GAB4: variants seen among roughly 807,000 people sequenced by gnomAD.
GAB4 encodes the protein GRB2-associated-binding protein 4.
In GAB4, 26 loss-of-function variants were observed where a neutral mutation model predicts 51.3. That is an observed-to-expected ratio of 0.51 (90% CI 0.37 to 0.70). GAB4 has a LOEUF of 0.70. Ranked by LOEUF, GAB4 falls within the 30% of genes least tolerant of loss-of-function variation. The probability of loss-of-function intolerance (pLI) is 0.00; values close to 1 mark genes in which losing one functional copy is unlikely to be tolerated. For missense variants in GAB4, 759 were observed against 734.6 expected (o/e 1.03, Z -0.38); for synonymous variants, 329 against 291.2 (o/e 1.13, Z -1.32).
chr22:17,001,118 T>C (rs1233400747), intron 1 of GAB4, among the ~76,000 whole-genome samples: 1 of 152,216 alleles, frequency 6.6e-6, no homozygotes, highest in Non-Finnish European at 1.5e-5. Context: ...TTATGTGTCT[T>C]GGAGTTGCTC....
chr22:16,993,934 C>T (rs2123710441), intron 1 of GAB4, among the ~76,000 whole-genome samples: 1 of 152,306 alleles, frequency 6.6e-6, no homozygotes, highest in Middle Eastern at 3.4e-3. Flanking sequence ...ACAGAGAGTT[C>T]ATCCATTCTA....
chr22:16,989,758 C>A (rs2060898556), intron 2 of GAB4, among the ~76,000 whole-genome samples: 1 of 152,224 alleles, frequency 6.6e-6, no homozygotes, highest in South Asian at 2.1e-4. Flanking sequence ...CTGCTCCTGC[C>A]ATCTTGTTGG....
At chr22:16,963,907 G>A (rs1272911878) in intron 8 of GAB4, 78 bp from the exon 9 acceptor site, 15 of 1,107,528 alleles carry the variant, frequency 1.4e-5, no homozygotes, top group African/African-American at 4.6e-5. Context: ...ACCTGTGGGC[G>A]TAGCTACGAG....
chr22:16,964,221 C>T (rs1256458785), intron 8 of GAB4, among the ~76,000 whole-genome samples: 1 of 152,172 alleles, frequency 6.6e-6, no homozygotes, highest in Non-Finnish European at 1.5e-5. Flanking sequence ...AGAAGGCTGC[C>T]ACCTTGCTGG....
intron 1 of GAB4, among the ~76,000 whole-genome samples, chr22:16,992,431 G>C (rs1488438700): frequency 1.3e-5 from 2 of 152,104 alleles, no homozygotes; most frequent in Non-Finnish European, 2.9e-5. Context: ...GTTGGGTGAG[G>C]ACACTTTATA....
rs779393857 is a variant in GAB4 at position 17,008,150 on chromosome 22, G to T, written c.-36C>A. 1 of 1,473,404 alleles carries T rather than the reference G, an allele frequency of 6.8e-7. No individual in the cohort carries two copies. The highest frequency in any genetic ancestry group is 2.3e-5 in the East Asian group (1 of 42,700). The allele number at this position is 1,473,404 out of a possible 1,614,324, so 91.3% of individuals were successfully genotyped here. A position where few individuals can be genotyped will look rare whatever the true frequency, so the allele number is the denominator to read the frequency against. On this transcript the variant is annotated 5_prime_UTR_variant, in exon 1 of 10. The change creates a new upstream start codon in the 5' untranslated region. Coordinates refer to ENST00000400588, the MANE Select transcript of GAB4 (RefSeq NM_001037814.1). ...GCTCACAGTGAAGGTGGGGGAGACA[G>T]GGCGAGAGGGCGTTGCTGGAGGTGG...
Position 16,991,957 on chromosome 22 carries a change from G to A in GAB4, c.394C>T (p.Leu132=). ...ATGTCCTCCCTGGTCTCAGCCACCA[G>A]GTAAAAGGTACGCTCACTGGTCTTG... ...DIKTSERTFY[L]VAETREDMNE... is the part of the protein sequence containing the mutation. Residue 132 remains leucine (L), a synonymous_variant, in exon 2 of 10, where the codon CTG becomes TTG. Transcript: ENST00000400588. 1.9e-6 allele frequency: 3 copies of A among 1,614,072 alleles called. No homozygotes were observed. The highest frequency in any genetic ancestry group is 1.7e-4 in the Middle Eastern group (1 of 6,060).
intron 5 of GAB4, 129 bp from the exon 6 acceptor site, chr22:16,966,493 G>T (rs1053372930): frequency 6.4e-6 from 6 of 930,660 alleles, no homozygotes; most frequent in Admixed American, 5.7e-5. Flanking sequence ...CACCTTGGCT[G>T]GGGGCTGCTG....
chr22:16,968,253 A>G, intron 5 of GAB4, 45 bp downstream of exon 5: 1 of 1,321,916 alleles, frequency 7.6e-7, no homozygotes, highest in East Asian at 2.3e-5. Flanking sequence ...TGTGACCTTT[A>G]CCTCCCTGAG....
intron 1 of GAB4, among the ~76,000 whole-genome samples, chr22:16,998,210 C>T (rs182437449): frequency 6.6e-6 from 1 of 152,282 alleles, no homozygotes; most frequent in East Asian, 1.9e-4. Flanking sequence ...ATGGGGATGG[C>T]ACTGAATCTA....
chr22:17,002,828 T>A (rs1402464157), intron 1 of GAB4, among the ~76,000 whole-genome samples: 2 of 152,092 alleles, frequency 1.3e-5, no homozygotes, highest in Non-Finnish European at 2.9e-5. Context: ...AAGTATAATT[T>A]AAAAAAATTA....
At chr22:16,985,453 A>G (rs960235534) in intron 3 of GAB4, among the ~76,000 whole-genome samples, 1 of 152,244 alleles carries the variant, frequency 6.6e-6, no homozygotes, top group Admixed American at 6.5e-5. Flanking sequence ...AATCTGTTCC[A>G]GAGTTTTGAT....
intron 3 of GAB4, among the ~76,000 whole-genome samples, chr22:16,981,739 G>A (rs1273141129): frequency 6.6e-6 from 1 of 152,036 alleles, no homozygotes; most frequent in Non-Finnish European, 1.5e-5. Flanking sequence ...ATGTTGAGGA[G>A]GATGGAATAC....
chr22:17,001,050 T>A (rs1347489972), intron 1 of GAB4, among the ~76,000 whole-genome samples: 1 of 152,218 alleles, frequency 6.6e-6, no homozygotes, highest in African/African-American at 2.4e-5. Flanking sequence ...AATCTGACCT[T>A]TCTCTCTGGC....
At chr22:16,984,898 G>C (rs563742903) in intron 3 of GAB4, among the ~76,000 whole-genome samples, 1 of 152,164 alleles carries the variant, frequency 6.6e-6, no homozygotes, top group African/African-American at 2.4e-5. Flanking sequence ...GAGTTTCCAG[G>C]AAAGTTTTAA....
intron 8 of GAB4, among the ~76,000 whole-genome samples, chr22:16,964,235 A>G (rs2060652842): frequency 6.6e-6 from 1 of 152,192 alleles, no homozygotes; most frequent in South Asian, 2.1e-4. Context: ...TTGCTGGGAC[A>G]TTCCTGAAGT....
chr22:16,979,610 T>C (rs150059888), intron 3 of GAB4, among the ~76,000 whole-genome samples: 2 of 152,324 alleles, frequency 1.3e-5, no homozygotes, highest in East Asian at 3.9e-4. Flanking sequence ...AATTTACAAA[T>C]TCAATGCTAT....
At chr22:16,966,499 T>C in intron 5 of GAB4, 135 bp from the exon 6 acceptor site, 1 of 902,602 alleles carries the variant, frequency 1.1e-6, no homozygotes, top group Non-Finnish European at 1.6e-6. Flanking sequence ...GGCTGGGGGC[T>C]GCTGTCTTCA....
At position 16,969,981 on chromosome 22, in the gene GAB4, G is replaced by C. The variant is rs1265696739; in HGVS notation, c.899C>G (p.Thr300Ser). The change falls in exon 4 of 10, where the codon ACC becomes AGC. Residue 300 changes from threonine (T) to serine (S), a missense_variant. Coordinates refer to ENST00000400588, the MANE Select transcript of GAB4 (RefSeq NM_001037814.1). ...CTCAGAGCCTGTGAGGCTGCCTCTG[G>C]TGTGGCCATGGGAGGCCAGGCTCCA... ...IPWSLASHGH[T>S]RGSLTGSEAD... 2 of 1,614,160 alleles carry C rather than the reference G, an allele frequency of 1.2e-6. No individual in the cohort carries two copies. The highest frequency in any genetic ancestry group is 1.7e-6 in the Non-Finnish European group (2 of 1,180,026).
Sources: allele counts gnomAD v4.1 joint callset (sites outside exome capture counted in the v4.1 genomes callset), GRCh38; gene constraint gnomAD v4.1.1; transcripts MANE v1.5; gene names NCBI Gene and HGNC (gene_info 2026-07-23, HGNC 2026-07-21).